Variants in XKR4 observed in about 807,000 individuals in gnomAD.
XKR4 encodes XK related 4.
Under a neutral mutation model 53.9 loss-of-function variants are expected in XKR4, and 12 were observed. The observed-to-expected ratio is 0.22, with a 90% CI of 0.14 to 0.36. The LOEUF (loss-of-function observed/expected upper bound fraction) is 0.36. XKR4 is among the 10% of genes least tolerant of loss of function. The probability of loss-of-function intolerance (pLI) is 1.00; values close to 1 mark genes in which losing one functional copy is unlikely to be tolerated. For synonymous variants in XKR4, 354 were observed against 362.4 expected (o/e 0.98, Z 0.26); for missense variants, 799 against 859.5 (o/e 0.93, Z 0.88).
At chr8:55,502,509 T>C (rs1806460307) in intron 2 of XKR4, among the ~76,000 whole-genome samples, 1 of 152,220 alleles carries the variant, frequency 6.6e-6, no homozygotes, top group South Asian at 2.1e-4. Flanking sequence ...CATGTGCTTA[T>C]TGGCCATCTG....
At chr8:55,206,589 T>C (rs1008824716) in intron 1 of XKR4, among the ~76,000 whole-genome samples, 1 of 152,054 alleles carries the variant, frequency 6.6e-6, no homozygotes, top group East Asian at 1.9e-4. Flanking sequence ...TGAAAAAAAA[T>C]AAACCTACAA....
At chr8:55,236,809 T>A (rs907848699) in intron 1 of XKR4, among the ~76,000 whole-genome samples, 10 of 152,302 alleles carry the variant, frequency 6.6e-5, no homozygotes, top group African/African-American at 1.7e-4. Flanking sequence ...CACGTTTTCA[T>A]GCCTTGGAGA....
chr8:55,172,846 A>G (rs1360100652), intron 1 of XKR4, among the ~76,000 whole-genome samples: 1 of 152,158 alleles, frequency 6.6e-6, no homozygotes, highest in East Asian at 1.9e-4. Context: ...TCAAGGTTTC[A>G]TTTATCTTGG....
intron 1 of XKR4, among the ~76,000 whole-genome samples, chr8:55,127,524 A>G (rs1220225884): frequency 1.3e-5 from 2 of 150,204 alleles, no homozygotes; most frequent in Non-Finnish European, 3.0e-5. Flanking sequence ...AAGTGCTGGG[A>G]TTACAGGCGT....
At chr8:55,120,472 A>G (rs1281901612) in intron 1 of XKR4, among the ~76,000 whole-genome samples, 1 of 150,994 alleles carries the variant, frequency 6.6e-6, no homozygotes, top group East Asian at 2.0e-4. Context: ...TGTCTTTGAT[A>G]CTTTGGGAAC....
chr8:55,217,751 TAGATAGA>T (rs1324238217), intron 1 of XKR4, among the ~76,000 whole-genome samples: 1 of 79,008 alleles, frequency 1.3e-5, no homozygotes, highest in Non-Finnish European at 4.0e-5. Context: ...GATAGATAGA[TAGATAGA>T]TAGATAGATA....
intron 1 of XKR4, among the ~76,000 whole-genome samples, chr8:55,168,479 G>T (rs1440566507): frequency 6.6e-6 from 1 of 152,100 alleles, no homozygotes; most frequent in East Asian, 1.9e-4. Flanking sequence ...CCACTTCTGT[G>T]CACTTTTCTC....
At chr8:55,165,986 A>C (rs1184073444) in intron 1 of XKR4, among the ~76,000 whole-genome samples, 3 of 152,138 alleles carry the variant, frequency 2.0e-5, no homozygotes, top group Admixed American at 6.5e-5. Context: ...TATCTTTGCT[A>C]CTCAGGGTCA....
chr8:55,529,702 T>G lies in XKR4; in HGVS notation c.*5475T>G, dbSNP rs545589699. On this transcript the variant is annotated 3_prime_UTR_variant, in exon 3 of 3. Transcript: ENST00000327381. Reference sequence around the variant, plus strand: ...GCGACTTCTGGGAGCCCAGTGACTCTTCCCACAAAATCTAGTCCTGATTTG... The same window carrying G: ...GCGACTTCTGGGAGCCCAGTGACTCGTCCCACAAAATCTAGTCCTGATTTG... 1 of 152,212 alleles carries G rather than the reference T, an allele frequency of 6.6e-6. No homozygotes were observed. 9.4% of individuals were successfully genotyped at this position (152,212 alleles called of 1,614,324 possible).
rs538840329 is a variant in XKR4 at position 55,493,620 on chromosome 8, T to A, written c.1007-29661T>A. 2.6e-5 allele frequency among the ~76,000 whole-genome samples: 4 copies of A among 152,338 alleles called. No individual in the cohort carries two copies. In the East Asian group the frequency reaches 7.7e-4, roughly 29 times the overall value. ...AGCTACATTAAAGCTATGGCTTTAA[T>A]GACTCTATTTTTGAAAAGCCTGACA... On this transcript the variant is annotated intron_variant, in intron 2 of 2. Coordinates refer to ENST00000327381, the MANE Select transcript of XKR4 (RefSeq NM_052898.2).
chr8:55,263,628 T>C (rs2129371438), intron 1 of XKR4, among the ~76,000 whole-genome samples: 1 of 152,376 alleles, frequency 6.6e-6, no homozygotes, highest in African/African-American at 2.4e-5. Flanking sequence ...CAAAACAGTT[T>C]ACAAATATTC....
At chr8:55,351,989 TTA>T (rs1803731078) in intron 1 of XKR4, among the ~76,000 whole-genome samples, 1 of 152,248 alleles carries the variant, frequency 6.6e-6, no homozygotes, top group Non-Finnish European at 1.5e-5. Context: ...TGAGTGCTTA[TTA>T]ATCATCAGAA....
At position 55,313,285 on chromosome 8, in the gene XKR4, A is replaced by C. The variant is rs1819413174; in HGVS notation, c.807-44393A>C. 1.3e-5 allele frequency among the ~76,000 whole-genome samples: 2 copies of C among 152,236 alleles called. 1 individual carries two copies. The highest frequency in any genetic ancestry group is 4.1e-4 in the South Asian group (2 of 4,838). ...TAGGGTAGGATAAACAGTAATTGGC[A>C]AGGAGCTATAACATTGATTTGTACA... On this transcript the variant is annotated intron_variant, in intron 1 of 2. Coordinates refer to ENST00000327381, the MANE Select transcript of XKR4 (RefSeq NM_052898.2).
Position 55,221,043 on chromosome 8 carries a change from A to G in XKR4, c.806+117749A>G, listed in dbSNP as rs963094291. On this transcript the variant is annotated intron_variant, in intron 1 of 2. Transcript: ENST00000327381. ...TACTTATTGTTCCTCCCATCTCCTC[A>G]TTGGCTTATATGTTTTGAGAATCAT... Among the ~76,000 whole-genome samples, 17 of 152,212 alleles carry G rather than the reference A, an allele frequency of 1.1e-4. No individual in the cohort carries two copies. The East Asian group carries it at 3.3e-3, about 30-fold the overall frequency.
chr8:55,497,063 T>C (rs16921900), intron 2 of XKR4, among the ~76,000 whole-genome samples: 8,040 of 152,256 alleles, frequency 0.053, 603 homozygotes, highest in East Asian at 0.28. Flanking sequence ...TCAGGAGAGA[T>C]TCATGCTGCA....
rs1185510172 is a variant in XKR4 at position 55,516,290 on chromosome 8, TGTTA to T, written c.1007-6987_1007-6984del. On this transcript the variant is annotated intron_variant, in intron 2 of 2. Transcript: ENST00000327381. Reference sequence around the variant, plus strand: ...GCCATCTAAAATTCAGTATTGTGTTTGTTAGTTGGTTGGTTTACTTAGAAATTAT... The same window carrying T: ...GCCATCTAAAATTCAGTATTGTGTTTGTTGGTTGGTTTACTTAGAAATTAT... 1.1e-4 allele frequency among the ~76,000 whole-genome samples: 16 copies of T among 152,314 alleles called. No individual in the cohort carries two copies. The East Asian group carries it at 1.5e-3, about 15-fold the overall frequency.
chr8:55,162,336 G>A (rs1451468902), intron 1 of XKR4, among the ~76,000 whole-genome samples: 3 of 152,142 alleles, frequency 2.0e-5, no homozygotes, highest in African/African-American at 4.8e-5. Context: ...AGCAATAAGC[G>A]TCTTTTAAAA....
chr8:55,265,235 C>T (rs771954756), intron 1 of XKR4, among the ~76,000 whole-genome samples: 14 of 152,234 alleles, frequency 9.2e-5, no homozygotes, highest in Admixed American at 3.9e-4. Flanking sequence ...GTCCTCTCTG[C>T]AGAGTGTTTT....
chr8:55,478,410 G>A (rs1806039031), intron 2 of XKR4, among the ~76,000 whole-genome samples: 3 of 151,930 alleles, frequency 2.0e-5, no homozygotes, highest in Admixed American at 2.0e-4. Flanking sequence ...CACTAAACAT[G>A]GAAAGGAACA....
Sources: allele counts gnomAD v4.1 joint callset (sites outside exome capture counted in the v4.1 genomes callset), GRCh38; gene constraint gnomAD v4.1.1; transcripts MANE v1.5; gene names NCBI Gene and HGNC (gene_info 2026-07-23, HGNC 2026-07-21).